PHACTR3: variants seen among roughly 807,000 people sequenced by gnomAD.
PHACTR3 encodes protein phosphatase 1, regulatory subunit 123.
A neutral mutation model predicts 66.8 loss-of-function variants in PHACTR3; 16 were observed. The observed-to-expected ratio is 0.24, with a 90% confidence interval of 0.16 to 0.36. The LOEUF (loss-of-function observed/expected upper bound fraction) is 0.36, where lower values mean the gene tolerates loss of function less well. Among genes scored for constraint, PHACTR3 ranks in the 10% least tolerant of loss-of-function variants. PHACTR3 has a pLI of 1.00. For missense variants in PHACTR3, 647 were observed against 719.9 expected (o/e 0.90, Z 1.16); for synonymous variants, 323 against 292.1 (o/e 1.11, Z -1.08).
intron 1 of PHACTR3, among the ~76,000 whole-genome samples, chr20:59,622,884 T>C (rs2034294317): frequency 6.7e-6 from 1 of 150,082 alleles, no homozygotes; most frequent in South Asian, 2.1e-4. Context: ...GGGCTTATCC[T>C]GTTGGAGCAA....
intron 1 of PHACTR3, among the ~76,000 whole-genome samples, chr20:59,658,686 A>T (rs1243328871): frequency 1.3e-5 from 2 of 152,162 alleles, no homozygotes; most frequent in Non-Finnish European, 2.9e-5. Context: ...GTATCATACC[A>T]AGCTATTAGG....
intron 8 of PHACTR3, among the ~76,000 whole-genome samples, chr20:59,833,918 C>T (rs2042455487): frequency 6.6e-6 from 1 of 152,142 alleles, no homozygotes; most frequent in African/African-American, 2.4e-5. Flanking sequence ...GGCTTATGTG[C>T]AGATAAGATA....
At chr20:59,719,752 A>AC (rs1029429242) in intron 1 of PHACTR3, among the ~76,000 whole-genome samples, 4 of 152,032 alleles carry the variant, frequency 2.6e-5, no homozygotes, top group African/African-American at 9.7e-5. Flanking sequence ...GGTTTTAGTG[A>AC]CCCCTTCTTC....
At chr20:59,660,321 C>G (rs1409659820) in intron 1 of PHACTR3, among the ~76,000 whole-genome samples, 1 of 152,128 alleles carries the variant, frequency 6.6e-6, no homozygotes, top group Non-Finnish European at 1.5e-5. Flanking sequence ...GGTGAAACCC[C>G]GTCTCTACTA....
chr20:59,653,047 T>G (rs755663465), intron 1 of PHACTR3, among the ~76,000 whole-genome samples: 7 of 152,184 alleles, frequency 4.6e-5, no homozygotes, highest in Non-Finnish European at 1.0e-4. Flanking sequence ...TACTTTGTTA[T>G]ATGATTCTGA....
At chr20:59,782,619 C>T (rs1380305628) in intron 7 of PHACTR3, among the ~76,000 whole-genome samples, 7 of 152,168 alleles carry the variant, frequency 4.6e-5, no homozygotes, top group Admixed American at 3.3e-4. Context: ...TGGTGGCAGG[C>T]AAGAGAGAAT....
intron 1 of PHACTR3, among the ~76,000 whole-genome samples, chr20:59,609,905 C>T (rs906783661): frequency 1.3e-5 from 2 of 151,976 alleles, no homozygotes; most frequent in Non-Finnish European, 2.9e-5. Context: ...GAACTCAGAG[C>T]TTTTTTTTGA....
intron 8 of PHACTR3, among the ~76,000 whole-genome samples, chr20:59,835,355 C>T (rs895444531): frequency 1.3e-5 from 2 of 152,068 alleles, no homozygotes; most frequent in East Asian, 1.9e-4. Context: ...AAGACAAAGC[C>T]CCCAGGGGAG....
chr20:59,763,448 C>T (rs1373903144), intron 4 of PHACTR3, among the ~76,000 whole-genome samples: 1 of 152,180 alleles, frequency 6.6e-6, no homozygotes, highest in Non-Finnish European at 1.5e-5. Context: ...GCCTGGAACC[C>T]ATGGTTGTTC....
intron 1 of PHACTR3, among the ~76,000 whole-genome samples, chr20:59,621,203 A>G (rs1568939359): frequency 6.6e-6 from 1 of 152,230 alleles, no homozygotes; most frequent in East Asian, 1.9e-4. Flanking sequence ...GTGGGCTCCC[A>G]TGCCTGCTTC....
chr20:59,841,248 A>G (rs2059055058), intron 10 of PHACTR3, 147 bp from the exon 11 acceptor site: 2 of 708,322 alleles, frequency 2.8e-6, no homozygotes, highest in Non-Finnish European at 4.6e-6. Context: ...CCTTCACATT[A>G]GAGATTGCTT....
At chr20:59,644,543 A>G (rs944572166) in intron 1 of PHACTR3, among the ~76,000 whole-genome samples, 3 of 152,162 alleles carry the variant, frequency 2.0e-5, no homozygotes, top group Admixed American at 6.5e-5. Flanking sequence ...AGGGTCTAGC[A>G]CTGGCCTGGT....
intron 8 of PHACTR3, among the ~76,000 whole-genome samples, chr20:59,807,343 G>A (rs1440451443): frequency 2.0e-5 from 3 of 152,018 alleles, no homozygotes; most frequent in Admixed American, 6.5e-5. Context: ...GCCTGCACAG[G>A]GTCAGAACCA....
At chr20:59,680,047 T>C (rs1285070935) in intron 1 of PHACTR3, among the ~76,000 whole-genome samples, 1 of 151,992 alleles carries the variant, frequency 6.6e-6, no homozygotes, top group Non-Finnish European at 1.5e-5. Context: ...TCTCTTTCAC[T>C]CCCTCCTCCC....
At chr20:59,825,544 CT>C (rs1308462088) in intron 8 of PHACTR3, among the ~76,000 whole-genome samples, 2 of 152,226 alleles carry the variant, frequency 1.3e-5, no homozygotes, top group African/African-American at 4.8e-5. Context: ...TGATGCAGTT[CT>C]TACCATTGAG....
chr20:59,775,240 G>T (rs769269339), intron 7 of PHACTR3, among the ~76,000 whole-genome samples: 2 of 152,172 alleles, frequency 1.3e-5, no homozygotes, highest in Non-Finnish European at 2.9e-5. Context: ...GCTGTGCGGG[G>T]CCCTCTGATT....
chr20:59,647,054 A>T (rs74311426), intron 1 of PHACTR3, among the ~76,000 whole-genome samples: 1 of 152,170 alleles, frequency 6.6e-6, no homozygotes, highest in Non-Finnish European at 1.5e-5. Context: ...TGACTAGGGT[A>T]TTAGTCTGTT....
At chr20:59,729,395 G>C (rs1185641033) in intron 1 of PHACTR3, among the ~76,000 whole-genome samples, 1 of 152,148 alleles carries the variant, frequency 6.6e-6, no homozygotes, top group African/African-American at 2.4e-5. Flanking sequence ...CGGGGCACGA[G>C]TGAGCCAGTG....
At chr20:59,817,204 G>A (rs1305550526) in intron 8 of PHACTR3, among the ~76,000 whole-genome samples, 2 of 152,234 alleles carry the variant, frequency 1.3e-5, no homozygotes, top group South Asian at 2.1e-4. Context: ...ATTCAGAAGT[G>A]TATTTGTGAA....
Sources: allele counts gnomAD v4.1 joint callset (sites outside exome capture counted in the v4.1 genomes callset), GRCh38; gene constraint gnomAD v4.1.1; transcripts MANE v1.5; gene names NCBI Gene and HGNC (gene_info 2026-07-23, HGNC 2026-07-21).